LMO1: variants seen among roughly 807,000 people sequenced by gnomAD.
The protein encoded by LMO1 is LIM domain only 1, also known as rhombotin-1.
In LMO1, 10 loss-of-function variants were observed where a neutral mutation model predicts 18.0. The ratio of observed to expected loss-of-function variants is 0.55; its 90% confidence interval spans 0.34 to 0.94. The LOEUF (loss-of-function observed/expected upper bound fraction) is 0.94. Ranked by LOEUF, LMO1 falls within the 40% of genes least tolerant of loss-of-function variation. The pLI, the probability that LMO1 is intolerant of heterozygous loss-of-function variation, is 0.02. For synonymous variants in LMO1, 77 were observed against 77.9 expected (o/e 0.99, Z 0.06); for missense variants, 183 against 205.7 (o/e 0.89, Z 0.68).
chr11:8,245,207 T>C (rs1189194653), intron 1 of LMO1, among the ~76,000 whole-genome samples: 2 of 152,166 alleles, frequency 1.3e-5, no homozygotes, highest in Non-Finnish European at 2.9e-5. Context: ...TCCTACAGCA[T>C]GCTCCGCTTC....
chr11:8,242,939 T>G (rs546728191), intron 1 of LMO1, among the ~76,000 whole-genome samples: 63 of 152,304 alleles, frequency 4.1e-4, no homozygotes, highest in African/African-American at 1.5e-3. Context: ...AAATGTGTTC[T>G]CCAGGCACAA....
intron 1 of LMO1, among the ~76,000 whole-genome samples, chr11:8,240,022 C>A (rs1197137059): frequency 3.3e-5 from 5 of 152,208 alleles, no homozygotes; most frequent in Non-Finnish European, 7.3e-5. Flanking sequence ...CAGATCCAGG[C>A]TGCTGGCCAG....
chr11:8,267,965 C>A (rs2134598193), upstream of LMO1, among the ~76,000 whole-genome samples: 1 of 152,362 alleles, frequency 6.6e-6, no homozygotes, highest in Non-Finnish European at 1.5e-5. Context: ...CCTGCAGGAT[C>A]TGTGGGCACC....
At chr11:8,259,009 G>T (rs988062005) in intron 1 of LMO1, among the ~76,000 whole-genome samples, 2 of 152,162 alleles carry the variant, frequency 1.3e-5, no homozygotes, top group African/African-American at 4.8e-5. Context: ...TGCATTACAC[G>T]CTCCCGTGCC....
At chr11:8,245,918 A>T (rs1846885492) in intron 1 of LMO1, among the ~76,000 whole-genome samples, 1 of 152,266 alleles carries the variant, frequency 6.6e-6, no homozygotes, top group South Asian at 2.1e-4. Context: ...ATGACAGAAG[A>T]GGAAGGGGAA....
chr11:8,263,472 T>G lies in LMO1; in HGVS notation c.-110A>C. On this transcript the variant is annotated 5_prime_UTR_variant, in exon 1 of 4. Coordinates refer to ENST00000335790, the MANE Select transcript of LMO1 (RefSeq NM_002315.3). ...CTTCGGGCAGCTAGCGGGCTCTAAT[T>G]ACCCGCTTGTCCGGCTCTTAACCTA... 1.3e-6 allele frequency: 2 copies of G among 1,535,134 alleles called. No individual in the cohort carries two copies. The highest frequency in any genetic ancestry group is 1.2e-5 in the South Asian group (1 of 82,096).
chr11:8,251,537 G>C (rs995766095), intron 1 of LMO1, among the ~76,000 whole-genome samples: 1 of 152,176 alleles, frequency 6.6e-6, no homozygotes, highest in East Asian at 1.9e-4. Context: ...TCATCCCTGC[G>C]GACTGAGAAG....
intron 1 of LMO1, among the ~76,000 whole-genome samples, chr11:8,244,419 G>A (rs750437493): frequency 1.1e-4 from 17 of 152,236 alleles, no homozygotes; most frequent in Non-Finnish European, 2.1e-4. Flanking sequence ...ATTTGTTCAC[G>A]ATAGAGCCCT....
intron 1 of LMO1, among the ~76,000 whole-genome samples, chr11:8,233,553 C>T (rs982415987): frequency 5.3e-5 from 8 of 152,166 alleles, no homozygotes; most frequent in Non-Finnish European, 7.4e-5. Context: ...CTGCTCTCAC[C>T]GGGCTGGTCC....
At chr11:8,233,188 C>T (rs1347310236) in intron 1 of LMO1, among the ~76,000 whole-genome samples, 1 of 152,182 alleles carries the variant, frequency 6.6e-6, no homozygotes, top group African/African-American at 2.4e-5. Flanking sequence ...GCCAAAGTGT[C>T]CCATGTCCAC....
At chr11:8,267,902 G>A (rs1290710576), upstream of LMO1, among the ~76,000 whole-genome samples, 1 of 152,218 alleles carries the variant, frequency 6.6e-6, no homozygotes, top group Non-Finnish European at 1.5e-5. Context: ...CCGCAGCTAC[G>A]GAGTGCCAGA....
intron 1 of LMO1, among the ~76,000 whole-genome samples, chr11:8,245,553 G>C (rs949223722): frequency 6.6e-6 from 1 of 152,172 alleles, no homozygotes; most frequent in African/African-American, 2.4e-5. Context: ...CCACTTCATA[G>C]ATCAGAAAAC....
Position 8,263,484 on chromosome 11 carries a change from C to G in LMO1, c.-122G>C. On this transcript the variant is annotated 5_prime_UTR_variant, in exon 1 of 4. Transcript: ENST00000335790. ...AGCGGGCTCTAATTACCCGCTTGTC[C>G]GGCTCTTAACCTAGATTGCACTCAG... The G allele has an allele frequency of 6.6e-7, 1 of 1,509,954 alleles. No homozygotes were observed. The highest frequency in any genetic ancestry group is 8.8e-7 in the Non-Finnish European group (1 of 1,136,752). 93.5% of individuals were successfully genotyped at this position (1,509,954 alleles called of 1,614,324 possible).
intron 1 of LMO1, among the ~76,000 whole-genome samples, chr11:8,239,797 C>T (rs967492406): frequency 6.6e-6 from 1 of 152,178 alleles, no homozygotes; most frequent in Non-Finnish European, 1.5e-5. Context: ...ACGCTAGAGC[C>T]CACCACAGGA....
upstream of LMO1, among the ~76,000 whole-genome samples, chr11:8,267,820 A>G (rs1469879165): frequency 6.6e-6 from 1 of 152,208 alleles, no homozygotes; most frequent in African/African-American, 2.4e-5. Flanking sequence ...ACCTCCCAAC[A>G]TGCCAGGCTG....
At chr11:8,251,368 C>A (rs1322144540) in intron 1 of LMO1, among the ~76,000 whole-genome samples, 3 of 152,202 alleles carry the variant, frequency 2.0e-5, no homozygotes, top group Non-Finnish European at 2.9e-5. Context: ...CTCCACCCTG[C>A]TCCCACGTGA....
intron 1 of LMO1, among the ~76,000 whole-genome samples, chr11:8,244,952 C>T (rs898360727): frequency 2.0e-5 from 3 of 152,232 alleles, no homozygotes; most frequent in Admixed American, 6.5e-5. Context: ...CCCGACAGTT[C>T]CACAGTACCC....
chr11:8,247,731 T>G (rs1290076310), intron 1 of LMO1, among the ~76,000 whole-genome samples: 1 of 152,204 alleles, frequency 6.6e-6, no homozygotes, highest in African/African-American at 2.4e-5. Context: ...TTAGGTCAGT[T>G]CCCTGAGTCT....
chr11:8,247,987 G>A (rs78556699), intron 1 of LMO1, among the ~76,000 whole-genome samples: 6,058 of 152,316 alleles, frequency 0.04, 192 homozygotes, highest in African/African-American at 0.086. Flanking sequence ...AACATTTTCT[G>A]TCATTTGAGT....
Sources: allele counts gnomAD v4.1 joint callset (sites outside exome capture counted in the v4.1 genomes callset), GRCh38; gene constraint gnomAD v4.1.1; transcripts MANE v1.5; gene names NCBI Gene and HGNC (gene_info 2026-07-23, HGNC 2026-07-21).